Variants in GULP1 observed in about 807,000 individuals in gnomAD.
GULP1 encodes GULP PTB domain containing engulfment adaptor 1, also known as PTB domain-containing engulfment adapter protein 1.
In GULP1, 19 loss-of-function variants were observed where a neutral mutation model predicts 40.9. The ratio of observed to expected loss-of-function variants is 0.46; its 90% CI spans 0.32 to 0.68. The LOEUF is 0.68. Ranked by LOEUF, GULP1 falls within the 30% of genes least tolerant of loss-of-function variation. The pLI, the probability that GULP1 is intolerant of heterozygous loss-of-function variation, is 0.03. For missense variants in GULP1, 312 were observed against 362.2 expected, an observed-to-expected ratio of 0.86 and a Z score of 1.12; for synonymous variants, 119 against 117.6, an observed-to-expected ratio of 1.01 and a Z score of -0.08.
At chr2:188,403,801 AAGTTGGG>A in intron 2 of GULP1, among the ~76,000 whole-genome samples, 1 of 152,304 alleles carries the variant, frequency 6.6e-6, no homozygotes, top group South Asian at 2.1e-4. Context: ...ACTCATTGCT[AAGTTGGG>A]ACACAGCAGA....
intron 1 of GULP1, among the ~76,000 whole-genome samples, chr2:188,362,907 G>A (rs867261898): frequency 1.3e-5 from 2 of 152,010 alleles, no homozygotes; most frequent in Non-Finnish European, 2.9e-5. Context: ...CTTCCAACCA[G>A]TGAAGGAGAA....
At chr2:188,516,713 T>C (rs990532278) in intron 4 of GULP1, among the ~76,000 whole-genome samples, 4 of 152,208 alleles carry the variant, frequency 2.6e-5, no homozygotes, top group African/African-American at 7.2e-5. Context: ...TTGAGTAGAA[T>C]TTGTATTTAT....
At chr2:188,351,454 T>C (rs144665054) in intron 1 of GULP1, among the ~76,000 whole-genome samples, 1 of 152,212 alleles carries the variant, frequency 6.6e-6, no homozygotes, top group Non-Finnish European at 1.5e-5. Flanking sequence ...TAGTAGGCTT[T>C]AATACGTCCC....
At chr2:188,316,067 A>G (rs2039027400) in intron 1 of GULP1, among the ~76,000 whole-genome samples, 1 of 152,172 alleles carries the variant, frequency 6.6e-6, no homozygotes, top group Admixed American at 6.6e-5. Flanking sequence ...ACGTGGAAGA[A>G]AAAGCCATGA....
chr2:188,357,188 G>A (rs2045446187), intron 1 of GULP1, among the ~76,000 whole-genome samples: 2 of 151,974 alleles, frequency 1.3e-5, no homozygotes, highest in African/African-American at 4.8e-5. Context: ...ACAGGCAACC[G>A]AAACAAAAAT....
At chr2:188,406,805 T>C (rs1468461076) in intron 2 of GULP1, among the ~76,000 whole-genome samples, 1 of 151,466 alleles carries the variant, frequency 6.6e-6, no homozygotes, top group Non-Finnish European at 1.5e-5. Context: ...ATTTAAAGAA[T>C]AAGAGAACAT....
intron 1 of GULP1, among the ~76,000 whole-genome samples, chr2:188,328,179 A>G (rs145711592): frequency 6.6e-5 from 10 of 152,142 alleles, no homozygotes; most frequent in African/African-American, 9.6e-5. Context: ...ATGAAAATAC[A>G]TTGTAAGATG....
At chr2:188,349,570 C>T (rs2044167941) in intron 1 of GULP1, among the ~76,000 whole-genome samples, 1 of 152,034 alleles carries the variant, frequency 6.6e-6, no homozygotes, top group Non-Finnish European at 1.5e-5. Flanking sequence ...AGATATTTTG[C>T]TCAGTTTTTA....
At chr2:188,438,722 C>T (rs1441864180) in intron 2 of GULP1, among the ~76,000 whole-genome samples, 2 of 151,364 alleles carry the variant, frequency 1.3e-5, no homozygotes, top group Non-Finnish European at 2.9e-5. Context: ...AAAATCCAAA[C>T]ACATCAGTAG....
chr2:188,359,775 G>A (rs111395805), intron 1 of GULP1, among the ~76,000 whole-genome samples: 359 of 152,252 alleles, frequency 2.4e-3, no homozygotes, highest in Non-Finnish European at 4.4e-3. Context: ...GTTTTGGAAG[G>A]AAAAGACTTT....
intron 1 of GULP1, among the ~76,000 whole-genome samples, chr2:188,350,703 A>G (rs2044336050): frequency 2.0e-5 from 3 of 152,064 alleles, no homozygotes; most frequent in Admixed American, 2.0e-4. Flanking sequence ...TTACAATATA[A>G]CAAGTTTAAT....
At chr2:188,570,849 T>A (rs532557190) in intron 9 of GULP1, among the ~76,000 whole-genome samples, 1 of 152,294 alleles carries the variant, frequency 6.6e-6, no homozygotes, top group East Asian at 1.9e-4. Context: ...TATTTATTAT[T>A]CTTCATTTAA....
intron 7 of GULP1, among the ~76,000 whole-genome samples, chr2:188,549,958 GA>G (rs1270661994): frequency 6.6e-6 from 1 of 151,722 alleles, no homozygotes; most frequent in Non-Finnish European, 1.5e-5. Flanking sequence ...CAGGCTAGAA[GA>G]GGATGTGCTT....
chr2:188,542,126 C>T (rs1338827463), intron 7 of GULP1: 1 of 151,324 alleles, frequency 6.6e-6, no homozygotes, highest in Non-Finnish European at 1.5e-5. Context: ...AAAAAAACAA[C>T]TTAAAATAAT....
intron 2 of GULP1, among the ~76,000 whole-genome samples, chr2:188,420,392 TTAAGTTTATTTC>T (rs1198736381): frequency 6.6e-6 from 1 of 152,188 alleles, no homozygotes; most frequent in Non-Finnish European, 1.5e-5. Context: ...CTCTCCTTAG[TTAAGTTTATTTC>T]TAAGTATTTT....
intron 4 of GULP1, among the ~76,000 whole-genome samples, chr2:188,490,568 A>G (rs13402873): frequency 1.3e-5 from 2 of 152,092 alleles, no homozygotes; most frequent in African/African-American, 4.8e-5. Flanking sequence ...CCTCCCTAAC[A>G]CAGGGGCCAC....
At chr2:188,592,926 C>G (rs1418898136) in intron 11 of GULP1, 1 of 152,044 alleles carries the variant, frequency 6.6e-6, no homozygotes, top group African/African-American at 2.4e-5. Flanking sequence ...ACACTGCTAT[C>G]TGCATATTAT....
At position 188,414,224 on chromosome 2, in the gene GULP1, A is replaced by T. The variant is rs545068358; in HGVS notation, c.-45+30335A>T. ...AGAGCGAGACTCCATCTCAAAAAAA[A>T]AAAAAAAAAAAAGAAAAAGAAGAGA... On this transcript the variant is annotated intron_variant, in intron 2 of 11. Transcript: ENST00000409830. Among the ~76,000 whole-genome samples, 72 of 147,718 alleles carry T rather than the reference A, an allele frequency of 4.9e-4. No homozygotes were observed. The East Asian group carries it at 0.014, about 28-fold the overall frequency.
intron 4 of GULP1, among the ~76,000 whole-genome samples, chr2:188,509,853 G>T (rs2064322525): frequency 6.6e-6 from 1 of 152,032 alleles, no homozygotes; most frequent in African/African-American, 2.4e-5. Context: ...AGGCACTCTG[G>T]TCATTGAAGA....
Sources: allele counts gnomAD v4.1 joint callset (sites outside exome capture counted in the v4.1 genomes callset), GRCh38; gene constraint gnomAD v4.1.1; transcripts MANE v1.5; gene names NCBI Gene and HGNC (gene_info 2026-07-23, HGNC 2026-07-21).